GARNL3: variants seen among roughly 807,000 people sequenced by gnomAD.
The protein encoded by GARNL3 is GTPase-activating Rap/Ran-GAP domain-like protein 3.
Under a neutral mutation model 125.0 loss-of-function variants are expected in GARNL3, and 63 were observed. That is an observed-to-expected ratio of 0.50 (90% CI 0.41 to 0.62). The LOEUF is 0.62. Ranked by LOEUF, GARNL3 falls within the 20% of genes least tolerant of loss-of-function variation. GARNL3 has a pLI of 0.00. For synonymous variants in GARNL3, 439 were observed against 457.5 expected (o/e 0.96, Z 0.52); for missense variants, 994 against 1,244.0 (o/e 0.80, Z 3.02).
chr9:127,342,637 C>T (rs1030119818), intron 14 of GARNL3, among the ~76,000 whole-genome samples: 1 of 152,006 alleles, frequency 6.6e-6, no homozygotes, highest in African/African-American at 2.4e-5. Flanking sequence ...TTGAAGAGTG[C>T]TTTTTTTGGG....
At chr9:127,344,376 T>A in intron 15 of GARNL3, 37 bp downstream of exon 15, 1 of 1,373,576 alleles carries the variant, frequency 7.3e-7, no homozygotes, top group Non-Finnish European at 1.0e-6. Context: ...GCGAGACATG[T>A]AGTTTTGAGT....
chr9:127,336,024 G>T, intron 10 of GARNL3, 104 bp from the exon 11 acceptor site: 2 of 822,798 alleles, frequency 2.4e-6, no homozygotes, highest in Non-Finnish European at 2.0e-6. Flanking sequence ...TCAGGGCTCT[G>T]TCATAGTGGC....
At chr9:127,329,762 C>T (rs950441712) in intron 7 of GARNL3, among the ~76,000 whole-genome samples, 1 of 152,074 alleles carries the variant, frequency 6.6e-6, no homozygotes, top group Non-Finnish European at 1.5e-5. Context: ...GTTCCAGCTC[C>T]GGTCCTACCG....
At chr9:127,324,855 G>C (rs1309464418) in intron 6 of GARNL3, among the ~76,000 whole-genome samples, 2 of 152,178 alleles carry the variant, frequency 1.3e-5, no homozygotes, top group Non-Finnish European at 2.9e-5. Flanking sequence ...CTGCTCTTAC[G>C]AGATGGTCTT....
intron 1 of GARNL3, among the ~76,000 whole-genome samples, chr9:127,265,938 A>G (rs1249030175): frequency 6.6e-6 from 1 of 152,222 alleles, no homozygotes; most frequent in Non-Finnish European, 1.5e-5. Flanking sequence ...CTGTGTACCT[A>G]GCCTGGAGCT....
intron 22 of GARNL3, among the ~76,000 whole-genome samples, chr9:127,367,998 C>T (rs548869539): frequency 1.4e-5 from 2 of 146,142 alleles, no homozygotes; most frequent in Admixed American, 1.4e-4. Context: ...TTTTAACCTT[C>T]ATAGACTTTC....
At chr9:127,233,167 A>T (rs1041040308) in intron 1 of GARNL3, among the ~76,000 whole-genome samples, 3 of 152,246 alleles carry the variant, frequency 2.0e-5, no homozygotes, top group African/African-American at 7.2e-5. Flanking sequence ...GGCTACAGTG[A>T]GCCAGGATCA....
chr9:127,295,432 C>A lies in GARNL3; in HGVS notation c.219+4190C>A, dbSNP rs2064558263. 2.6e-5 allele frequency among the ~76,000 whole-genome samples: 4 copies of A among 152,126 alleles called. No homozygotes were observed. The South Asian group carries it at 8.3e-4, about 32-fold the overall frequency. ...TCTCCAGTAATGGGAAACTTGATAC[C>A]TCCTTTATAGGACTTTTTTCCTCCT... On this transcript the variant is annotated intron_variant, in intron 2 of 27. Coordinates refer to ENST00000373387, the MANE Select transcript of GARNL3 (RefSeq NM_032293.5).
At position 127,384,363 on chromosome 9, in the gene GARNL3, G is replaced by A. The variant is rs1832430649; in HGVS notation, c.2270-664G>A. Among the ~76,000 whole-genome samples, 1 of 152,082 alleles carries A rather than the reference G, an allele frequency of 6.6e-6. No homozygotes were observed. Among genetic ancestry groups the A allele is most frequent in the Admixed American group, 6.5e-5 (1 of 15,270 alleles). The stretch of plus-strand genomic sequence containing the variant: ...GTGCAGAGAGAGCCAGTGCGAAGAA[G>A]GGGACAACACGAAGTGCCAGGAAGA... On this transcript the variant is annotated intron_variant, in intron 23 of 27. Coordinates refer to ENST00000373387, the MANE Select transcript of GARNL3 (RefSeq NM_032293.5). This position sits in a 1 kb window ranked among gnomAD's most constrained non-coding sequence, Gnocchi z 4.0.
intron 8 of GARNL3, 25 bp downstream of exon 8, chr9:127,332,374 G>A (rs764794265): frequency 6.3e-7 from 1 of 1,588,810 alleles, no homozygotes; most frequent in South Asian, 1.1e-5. Context: ...CCCGCTCTCT[G>A]CTGCCAGAGA....
In GARNL3 at chr9:127,385,186, A is replaced by G; in HGVS notation, c.2388+41A>G. The G allele has an allele frequency of 7.8e-7, 1 of 1,281,986 alleles. No homozygotes were observed. Among genetic ancestry groups the G allele is most frequent in the South Asian group, 1.3e-5 (1 of 74,844 alleles). The allele number at this position is 1,281,986 out of a possible 1,614,324, so 79.4% of individuals were successfully genotyped here. On this transcript the variant is annotated intron_variant, in intron 24 of 27. Coordinates refer to ENST00000373387, the MANE Select transcript of GARNL3 (RefSeq NM_032293.5). The surrounding 1 kb of genome is among the most constrained non-coding windows in gnomAD (Gnocchi z 4.1). ...ATTTTATCTCTGAGTGGTTTGGGGG[A>G]CCCCGGCACTGTGGGATTTCAGGTG...
chr9:127,367,101 T>C (rs2131730572), intron 22 of GARNL3: 1 of 152,354 alleles, frequency 6.6e-6, no homozygotes, highest in Middle Eastern at 3.4e-3. Context: ...AATCTGGCTT[T>C]TGTTTTCCAT....
At chr9:127,228,456 A>G (rs973461473) in intron 1 of GARNL3, among the ~76,000 whole-genome samples, 3 of 152,210 alleles carry the variant, frequency 2.0e-5, no homozygotes, top group African/African-American at 4.8e-5. Flanking sequence ...CCCACTCTCA[A>G]TACTAGGCAT....
chr9:127,304,530 C>CTTTTTTTT (rs61493807), intron 2 of GARNL3, among the ~76,000 whole-genome samples: 425 of 99,184 alleles, frequency 4.3e-3, no homozygotes, highest in Middle Eastern at 0.01. Context: ...TGGCTTTATT[C>CTTTTTTTT]TTTTTTTTTT....
At chr9:127,375,426 G>A (rs897643180) in intron 22 of GARNL3, among the ~76,000 whole-genome samples, 27 of 148,230 alleles carry the variant, frequency 1.8e-4, no homozygotes, top group South Asian at 1.1e-3. Flanking sequence ...AGATCGCGCC[G>A]TTGCACTCCA....
At chr9:127,349,330 TCACTCCA>T (rs1830307757) in intron 17 of GARNL3, among the ~76,000 whole-genome samples, 1 of 152,088 alleles carries the variant, frequency 6.6e-6, no homozygotes, top group Non-Finnish European at 1.5e-5. Context: ...ATACTTATTA[TCACTCCA>T]ACATTTTACT....
At chr9:127,251,409 G>A (rs1036041650) in intron 2 of GARNL3, among the ~76,000 whole-genome samples, 1 of 146,734 alleles carries the variant, frequency 6.8e-6, no homozygotes, top group South Asian at 2.1e-4. Flanking sequence ...GTTTTGTTTT[G>A]TTTTTTTCAG....
chr9:127,331,724 T>C (rs1249633145), intron 7 of GARNL3, among the ~76,000 whole-genome samples: 2 of 142,822 alleles, frequency 1.4e-5, no homozygotes, highest in African/African-American at 5.3e-5. Context: ...GGCTTGCTTT[T>C]TTTTTTTTTT....
At chr9:127,381,209 G>A (rs1371957710) in intron 22 of GARNL3, among the ~76,000 whole-genome samples, 2 of 151,844 alleles carry the variant, frequency 1.3e-5, no homozygotes, top group Admixed American at 6.6e-5. Flanking sequence ...TGAATTTTGT[G>A]GTCTATAAAT....
Sources: allele counts gnomAD v4.1 joint callset (sites outside exome capture counted in the v4.1 genomes callset), GRCh38; gene constraint gnomAD v4.1.1; non-coding constraint Gnocchi (gnomAD v3.1); transcripts MANE v1.5; gene names NCBI Gene and HGNC (gene_info 2026-07-23, HGNC 2026-07-21).